ZNF423: variants seen among roughly 807,000 people sequenced by gnomAD.
ZNF423 encodes Ebf-associated zinc finger protein.
A neutral mutation model predicts 95.8 loss-of-function variants in ZNF423; 12 were observed. The observed-to-expected ratio is 0.13, with a 90% confidence interval of 0.08 to 0.20. The LOEUF is 0.20. Ranked by LOEUF, ZNF423 falls within the 10% of genes least tolerant of loss-of-function variation. The pLI is 1.00. For missense variants in ZNF423, 1,316 were observed against 1,737.1 expected (o/e 0.76, Z 4.31); for synonymous variants, 749 against 711.9 (o/e 1.05, Z -0.83).
At chr16:49,674,917 T>C (rs2030982750) in intron 3 of ZNF423, among the ~76,000 whole-genome samples, 1 of 152,028 alleles carries the variant, frequency 6.6e-6, no homozygotes, top group South Asian at 2.1e-4. Flanking sequence ...ATCTTGCCCT[T>C]GGTGAGAGAA....
intron 1 of ZNF423, among the ~76,000 whole-genome samples, chr16:49,812,002 G>A (rs1273723675): frequency 1.3e-5 from 2 of 152,244 alleles, no homozygotes; most frequent in Admixed American, 6.5e-5. Context: ...CTGCCCCTAG[G>A]CCTGTGACAG....
chr16:49,747,313 GT>G (rs2033545632), intron 2 of ZNF423, among the ~76,000 whole-genome samples: 1 of 116,986 alleles, frequency 8.5e-6, no homozygotes, highest in South Asian at 2.6e-4. Context: ...CAAACATAAT[GT>G]TGAGAGAGGG....
rs1351042292 is a variant in ZNF423 at position 49,635,887 on chromosome 16, A to G, written c.3289T>C (p.Tyr1097His). 2 of 1,582,652 alleles carry G rather than the reference A, an allele frequency of 1.3e-6. No individual in the cohort carries two copies. Among genetic ancestry groups the G allele is most frequent in the Non-Finnish European group, 1.7e-6 (2 of 1,165,914 alleles). ...GCCATGCAGCCGGCGCAGAGGCCGTAGGGCAGCCCATTGACGTCAAGCTTC... is the reference window on the plus strand; with the variant it reads ...GCCATGCAGCCGGCGCAGAGGCCGTGGGGCAGCCCATTGACGTCAAGCTTC... ...LVKLDVNGLP[Y>H]GLCAGCMARS... The change falls in exon 4 of 8, where the codon TAC (tyrosine) becomes CAC (histidine). Residue 1097 changes from tyrosine (Y) to histidine (H), a missense_variant. Transcript: ENST00000563137. This position sits in a 1 kb window ranked among gnomAD's most constrained non-coding sequence, Gnocchi z 4.8.
chr16:49,609,986 C>A (rs1312705106), intron 5 of ZNF423, among the ~76,000 whole-genome samples: 1 of 152,130 alleles, frequency 6.6e-6, no homozygotes, highest in Non-Finnish European at 1.5e-5. Context: ...CAAATGACAG[C>A]AGATTTCTCA....
intron 3 of ZNF423, among the ~76,000 whole-genome samples, chr16:49,695,174 C>T (rs978614068): frequency 1.3e-5 from 2 of 152,212 alleles, no homozygotes; most frequent in Admixed American, 6.5e-5. Flanking sequence ...AGTGCGGTGG[C>T]GCGATCTGGG....
Position 49,789,047 on chromosome 16 carries a change from C to T in ZNF423, c.100+440G>A, listed in dbSNP as rs2034366060. ...TCCCTCTATTACCTCTCCCTGGAGG[C>T]ATGAGCTCAGCTCTGCCAGCCCTGA... On this transcript the variant is annotated intron_variant, in intron 2 of 7. Transcript: ENST00000563137. Among the ~76,000 whole-genome samples, 4 of 152,340 alleles carry T rather than the reference C, an allele frequency of 2.6e-5. No homozygotes were observed. The South Asian group carries it at 8.3e-4, about 32-fold the overall frequency.
At chr16:49,620,926 TG>T (rs755637804) in intron 5 of ZNF423, among the ~76,000 whole-genome samples, 16 of 152,146 alleles carry the variant, frequency 1.1e-4, no homozygotes, top group Non-Finnish European at 2.4e-4. Flanking sequence ...TATACATATA[TG>T]TTCAACACAT....
At chr16:49,842,110 C>T (rs866662388) in intron 1 of ZNF423, among the ~76,000 whole-genome samples, 2 of 150,768 alleles carry the variant, frequency 1.3e-5, no homozygotes, top group South Asian at 2.1e-4. Flanking sequence ...GGGGGGCAGG[C>T]GCCTGTAATC....
chr16:49,688,054 GTTT>G (rs5816653), intron 3 of ZNF423, among the ~76,000 whole-genome samples: 23 of 88,182 alleles, frequency 2.6e-4, no homozygotes, highest in Middle Eastern at 6.4e-3. Flanking sequence ...CCACGGTGCG[GTTT>G]TTTTTTTTTT....
At chr16:49,602,077 C>T (rs1971394248) in intron 5 of ZNF423, among the ~76,000 whole-genome samples, 1 of 152,226 alleles carries the variant, frequency 6.6e-6, no homozygotes, top group Non-Finnish European at 1.5e-5. Flanking sequence ...CATCTCTGAG[C>T]CATAAAGCTA....
Position 49,855,099 on chromosome 16 carries a change from A to C in ZNF423, c.40+636T>G, listed in dbSNP as rs2035345711. ...GGTGGGCCTCGGTGGAGGAGGCAGGAAGTGCAGGGGCCCGGGCCGGGAGAA... is the reference window on the plus strand; with the variant it reads ...GGTGGGCCTCGGTGGAGGAGGCAGGCAGTGCAGGGGCCCGGGCCGGGAGAA... On this transcript the variant is annotated intron_variant, in intron 1 of 7. Coordinates refer to ENST00000563137, the MANE Select transcript of ZNF423 (RefSeq NM_001379286.1). This position sits in a 1 kb window ranked among gnomAD's most constrained non-coding sequence, Gnocchi z 4.7. The C allele has an allele frequency of 1.0e-6, 1 of 954,838 alleles. No individual in the cohort carries two copies. The highest frequency in any genetic ancestry group is 1.8e-5 in the African/African-American group (1 of 56,220). 59.1% of individuals were successfully genotyped at this position (954,838 alleles called of 1,614,324 possible).
intron 1 of ZNF423, among the ~76,000 whole-genome samples, chr16:49,840,532 C>A (rs1354407237): frequency 4.6e-5 from 7 of 152,188 alleles, no homozygotes; most frequent in Admixed American, 4.6e-4. Context: ...AAAGTAAATT[C>A]ATAAGCAAAG....
At chr16:49,677,277 A>AAGGGAAGGGAAGGGAAGGGAAGGGAAGG (rs1253972000) in intron 3 of ZNF423, among the ~76,000 whole-genome samples, 2 of 77,546 alleles carry the variant, frequency 2.6e-5, no homozygotes, top group Non-Finnish European at 2.6e-5. Context: ...AGAAGAGAAG[A>AAGGGAAGGGAAGGGAAGGGAAGGGAAGG]GAAGAGAAGA....
At chr16:49,703,377 G>A (rs1036414868) in intron 3 of ZNF423, among the ~76,000 whole-genome samples, 8 of 152,200 alleles carry the variant, frequency 5.3e-5, no homozygotes, top group African/African-American at 1.7e-4. Context: ...ACGGCATTTA[G>A]AGTCAGGGAT....
intron 3 of ZNF423, among the ~76,000 whole-genome samples, chr16:49,724,121 A>G (rs190198563): frequency 1.2e-3 from 183 of 152,308 alleles, no homozygotes; most frequent in Non-Finnish European, 1.7e-3. Context: ...TATGATACTG[A>G]ATCTTTCCAC....
At chr16:49,740,338 C>T (rs1490829532) in intron 2 of ZNF423, among the ~76,000 whole-genome samples, 1 of 152,222 alleles carries the variant, frequency 6.6e-6, no homozygotes, top group Non-Finnish European at 1.5e-5. Context: ...AGAACCCTCT[C>T]CTCCATGAAC....
At chr16:49,719,182 C>T (rs756453745) in intron 3 of ZNF423, among the ~76,000 whole-genome samples, 15 of 152,286 alleles carry the variant, frequency 9.8e-5, no homozygotes, top group African/African-American at 1.4e-4. Flanking sequence ...GGGCTCTGGC[C>T]TTTGCTTTTC....
At chr16:49,644,686 A>AC (rs71390258) in intron 3 of ZNF423, among the ~76,000 whole-genome samples, 2 of 121,596 alleles carry the variant, frequency 1.6e-5, no homozygotes, top group African/African-American at 3.4e-5. Context: ...AAAAAAAAAA[A>AC]AAAAAAAAAA....
intron 1 of ZNF423, among the ~76,000 whole-genome samples, chr16:49,828,874 C>G (rs2035033576): frequency 6.6e-6 from 1 of 152,234 alleles, no homozygotes; most frequent in South Asian, 2.1e-4. Flanking sequence ...TTTTGGCAGG[C>G]TGAGGACTCA....
Sources: allele counts gnomAD v4.1 joint callset (sites outside exome capture counted in the v4.1 genomes callset), GRCh38; gene constraint gnomAD v4.1.1; non-coding constraint Gnocchi (gnomAD v3.1); transcripts MANE v1.5; gene names NCBI Gene and HGNC (gene_info 2026-07-23, HGNC 2026-07-21).